Variants in CACNB4 observed in about 807,000 individuals in gnomAD.
CACNB4 encodes voltage-dependent L-type calcium channel subunit beta-4.
A neutral mutation model predicts 71.2 loss-of-function variants in CACNB4; 32 were observed. That is an observed-to-expected ratio of 0.45 (90% CI 0.34 to 0.60). The LOEUF is 0.60. Ranked by LOEUF, CACNB4 falls within the 20% of genes least tolerant of loss-of-function variation. The pLI is 0.01. For missense variants in CACNB4, 464 were observed against 647.9 expected (o/e 0.72, Z 3.08); for synonymous variants, 231 against 236.9 (o/e 0.97, Z 0.23).
At chr2:151,923,364 T>G (rs1181471613) in intron 2 of CACNB4, among the ~76,000 whole-genome samples, 2 of 152,352 alleles carry the variant, frequency 1.3e-5, no homozygotes, top group African/African-American at 4.8e-5. Flanking sequence ...CATCCCATCT[T>G]GGTCTTTATT....
rs986236887 is a variant in CACNB4 at position 151,837,513 on chromosome 2, T to G, written c.*1606A>C. On this transcript the variant is annotated 3_prime_UTR_variant, in exon 14 of 14. Transcript: ENST00000539935. ...GATACTATAAAATTAATTATCATTA[T>G]TTTCAAAAATAGGCTTCATGACATG... is the stretch of plus-strand genomic sequence containing the variant. 6 of 152,068 alleles carry G rather than the reference T, an allele frequency of 3.9e-5. No homozygotes were observed. Among genetic ancestry groups the G allele is most frequent in the African/African-American group, 7.2e-5 (3 of 41,446 alleles). 9.4% of individuals were successfully genotyped at this position (152,068 alleles called of 1,614,324 possible).
At chr2:152,066,317 T>A (rs1299039579) in intron 2 of CACNB4, among the ~76,000 whole-genome samples, 1 of 151,750 alleles carries the variant, frequency 6.6e-6, no homozygotes, top group Non-Finnish European at 1.5e-5. Flanking sequence ...AACAACCCCA[T>A]CAAAAAGTGG....
chr2:151,906,800 G>C (rs1156528827), intron 2 of CACNB4, among the ~76,000 whole-genome samples: 1 of 152,074 alleles, frequency 6.6e-6, no homozygotes, highest in African/African-American at 2.4e-5. Context: ...TCACTCCCTA[G>C]CTCCCTGAAC....
chr2:152,021,178 C>T (rs966874922), intron 2 of CACNB4, among the ~76,000 whole-genome samples: 7 of 152,116 alleles, frequency 4.6e-5, no homozygotes, highest in Non-Finnish European at 7.4e-5. Context: ...ACCCGGGAGG[C>T]GGAGGTTGCA....
intron 8 of CACNB4, 80 bp from the exon 9 acceptor site, chr2:151,869,315 G>A: frequency 1.2e-6 from 1 of 838,608 alleles, no homozygotes; most frequent in Non-Finnish European, 2.0e-6. Context: ...AGAGGAGGGA[G>A]GGAAGGGTAC....
intron 2 of CACNB4, among the ~76,000 whole-genome samples, chr2:151,901,642 C>T (rs1285631605): frequency 2.6e-5 from 4 of 152,248 alleles, no homozygotes; most frequent in Non-Finnish European, 2.9e-5. Context: ...ATGTGCATTC[C>T]GTTTTGAAAA....
At chr2:151,971,837 G>A (rs1271453155) in intron 2 of CACNB4, 1 of 516,080 alleles carries the variant, frequency 1.9e-6, no homozygotes, top group Admixed American at 3.2e-5. Flanking sequence ...CTCAACTGAG[G>A]ATTGGCCAGA....
intron 2 of CACNB4, chr2:152,048,506 T>A (rs532124285): frequency 6.6e-6 from 1 of 152,258 alleles, no homozygotes; most frequent in South Asian, 2.1e-4. Context: ...AGGGAGAGAA[T>A]AAAAAGTACC....
At position 152,000,932 on chromosome 2, in the gene CACNB4, G is replaced by A. The variant is rs1013481276; in HGVS notation, c.147+97398C>T. Among the ~76,000 whole-genome samples, 5 of 152,184 alleles carry A rather than the reference G, an allele frequency of 3.3e-5. No homozygotes were observed. The East Asian group carries it at 7.7e-4, about 24-fold the overall frequency. On this transcript the variant is annotated intron_variant, in intron 2 of 13. Transcript: ENST00000539935. ...TCACCGCCCCAGAGGCCTCCTCATG[G>A]GCCTCCAGCCTCCCACCTCCAGCAG...
At chr2:152,057,200 G>A (rs1216992713) in intron 2 of CACNB4, among the ~76,000 whole-genome samples, 1 of 152,124 alleles carries the variant, frequency 6.6e-6, no homozygotes, top group Non-Finnish European at 1.5e-5. Flanking sequence ...GAGACCCTCA[G>A]TCCAACACAC....
chr2:151,870,299 T>C (rs1281390454), intron 8 of CACNB4: 2 of 703,188 alleles, frequency 2.8e-6, no homozygotes, highest in Non-Finnish European at 5.2e-6. Context: ...TGTGAATATT[T>C]TGAGGGAGGT....
intron 2 of CACNB4, among the ~76,000 whole-genome samples, chr2:151,930,248 G>A (rs2099861304): frequency 1.3e-5 from 2 of 152,278 alleles, no homozygotes; most frequent in South Asian, 4.1e-4. Flanking sequence ...ACTGAAGTGG[G>A]ATAAGGAGAT....
chr2:151,900,175 A>T (rs1320825752), intron 2 of CACNB4, among the ~76,000 whole-genome samples: 1 of 152,224 alleles, frequency 6.6e-6, no homozygotes, highest in African/African-American at 2.4e-5. Context: ...GTTGCAGTGG[A>T]TGCTAAAGAA....
intron 2 of CACNB4, among the ~76,000 whole-genome samples, chr2:151,888,146 A>G (rs1226098985): frequency 1.3e-5 from 2 of 152,164 alleles, no homozygotes; most frequent in African/African-American, 2.4e-5. Flanking sequence ...CTAGGCATCT[A>G]CTTACTTACC....
rs774862281 is a variant in CACNB4, at chr2:151,975,452, T to C, written c.148-92082A>G. Among the ~76,000 whole-genome samples, 23 of 152,178 alleles carry C rather than the reference T, an allele frequency of 1.5e-4. 1 individual carries two copies. Among genetic ancestry groups the C allele is most frequent in the Admixed American group, 1.3e-3 (20 of 15,274 alleles). Reference sequence around the variant, plus strand: ...TCAAATATAAATGATAGCAAGAAGATATTGCTGTCCTTCAGAATCCTAAAA... The same window carrying C: ...TCAAATATAAATGATAGCAAGAAGACATTGCTGTCCTTCAGAATCCTAAAA... On this transcript the variant is annotated intron_variant, in intron 2 of 13. Coordinates refer to ENST00000539935, the MANE Select transcript of CACNB4 (RefSeq NM_000726.5).
At chr2:152,041,011 C>G (rs1013057991) in intron 2 of CACNB4, among the ~76,000 whole-genome samples, 2 of 152,192 alleles carry the variant, frequency 1.3e-5, no homozygotes, top group East Asian at 3.9e-4. Flanking sequence ...AAAACAGCCA[C>G]GACTGCATCG....
At chr2:151,997,512 A>C (rs201323042) in intron 2 of CACNB4, among the ~76,000 whole-genome samples, 70 of 148,822 alleles carry the variant, frequency 4.7e-4, no homozygotes, top group South Asian at 2.2e-3. Context: ...CCAGCCTGGG[A>C]GACAGAGTGA....
chr2:151,885,921 T>C (rs1038022763), intron 2 of CACNB4, among the ~76,000 whole-genome samples: 5 of 152,192 alleles, frequency 3.3e-5, no homozygotes, highest in Non-Finnish European at 7.3e-5. Context: ...AGTTTAGGTA[T>C]AGCTGCATAA....
intron 6 of CACNB4, 59 bp downstream of exon 6, chr2:151,872,358 G>C: frequency 1.0e-6 from 1 of 959,906 alleles, no homozygotes; most frequent in East Asian, 2.5e-5. Flanking sequence ...TTGCATGTGT[G>C]TTCAAATATT....
Sources: allele counts gnomAD v4.1 joint callset (sites outside exome capture counted in the v4.1 genomes callset), GRCh38; gene constraint gnomAD v4.1.1; transcripts MANE v1.5; gene names NCBI Gene and HGNC (gene_info 2026-07-23, HGNC 2026-07-21).